RALYL: variants seen among roughly 807,000 people sequenced by gnomAD.
The protein encoded by RALYL is RALY RNA binding protein like.
In RALYL, 29 loss-of-function variants were observed where a neutral mutation model predicts 35.1. The ratio of observed to expected loss-of-function variants is 0.83; its 90% CI spans 0.61 to 1.13. RALYL has a LOEUF of 1.13. Among genes scored for constraint, RALYL ranks in the 50% most tolerant of loss-of-function variants. RALYL has a pLI of 0.00. For synonymous variants in RALYL, 120 were observed against 127.6 expected, an observed-to-expected ratio of 0.94 and a Z score of 0.40; for missense variants, 359 against 360.4, an observed-to-expected ratio of 1.00 and a Z score of 0.03.
chr8:84,430,300 G>A (rs16912818), intron 1 of RALYL, among the ~76,000 whole-genome samples: 2,543 of 152,088 alleles, frequency 0.017, 70 homozygotes, highest in African/African-American at 0.058. Context: ...TTCCTCTACC[G>A]TGCAGTAATT....
chr8:84,255,947 A>G (rs545009253), intron 1 of RALYL, among the ~76,000 whole-genome samples: 9 of 152,254 alleles, frequency 5.9e-5, no homozygotes, highest in East Asian at 1.9e-4. Flanking sequence ...CAAAATTATT[A>G]TGATTATGAG....
chr8:84,756,129 A>G (rs1811353482), intron 2 of RALYL, among the ~76,000 whole-genome samples: 1 of 152,066 alleles, frequency 6.6e-6, no homozygotes, highest in South Asian at 2.1e-4. Context: ...TATACCATGG[A>G]TTATATTACC....
chr8:84,835,213 C>T (rs1831705485), intron 4 of RALYL, among the ~76,000 whole-genome samples: 1 of 152,012 alleles, frequency 6.6e-6, no homozygotes, highest in African/African-American at 2.4e-5. Context: ...TAAATCTATA[C>T]AAATTAGCTA....
At position 84,850,005 on chromosome 8, in the gene RALYL, T is replaced by C; in HGVS notation, c.391T>C (p.Tyr131His). 6.7e-7 allele frequency: 1 copy of C among 1,490,646 alleles called. No homozygotes were observed. The highest frequency in any genetic ancestry group is 9.0e-7 in the Non-Finnish European group (1 of 1,116,520). The allele number at this position is 1,490,646 out of a possible 1,614,324, so 92.3% of individuals were successfully genotyped here. The change falls in exon 5 of 9, where the codon TAC (tyrosine) becomes CAC (histidine). Residue 131 changes from tyrosine (Y) to histidine (H), a missense_variant. Physicochemically the swap from Tyr to His is moderately conservative, Grantham distance 83 (BLOSUM62 2). Transcript: ENST00000521268. ...CGGTTATGTCTTTGACTATGATTAC[T>C]ACAGAGATGATTTCTACAATCGGTA... ...VGGYVFDYDY[Y>H]RDDFYNRLFD...
At chr8:84,297,100 T>C (rs1163309584) in intron 1 of RALYL, among the ~76,000 whole-genome samples, 1 of 151,932 alleles carries the variant, frequency 6.6e-6, no homozygotes, top group Non-Finnish European at 1.5e-5. Flanking sequence ...GCAGGTTATA[T>C]AGGTAAACTG....
intron 1 of RALYL, among the ~76,000 whole-genome samples, chr8:84,450,514 A>G (rs1291238314): frequency 6.6e-6 from 1 of 151,944 alleles, no homozygotes; most frequent in Non-Finnish European, 1.5e-5. Flanking sequence ...TATGCCTGCT[A>G]CTAGATAATT....
chr8:84,742,654 A>G (rs1589298707), intron 2 of RALYL, among the ~76,000 whole-genome samples: 1 of 152,178 alleles, frequency 6.6e-6, no homozygotes, highest in East Asian at 1.9e-4. Context: ...CTCACAGGTC[A>G]ATGATTTTAA....
At chr8:84,570,861 C>G (rs1226447347) in intron 2 of RALYL, among the ~76,000 whole-genome samples, 1 of 151,564 alleles carries the variant, frequency 6.6e-6, no homozygotes, top group Admixed American at 6.6e-5. Context: ...ATATTTAATT[C>G]TGTTTATGCC....
At chr8:84,865,240 G>A (rs1838957972) in intron 6 of RALYL, among the ~76,000 whole-genome samples, 1 of 152,044 alleles carries the variant, frequency 6.6e-6, no homozygotes, top group Non-Finnish European at 1.5e-5. Flanking sequence ...AAGTATCAGT[G>A]AAATTTAAAA....
intron 2 of RALYL, among the ~76,000 whole-genome samples, chr8:84,556,509 AT>A (rs1458171538): frequency 2.0e-5 from 3 of 152,200 alleles, no homozygotes; most frequent in African/African-American, 4.8e-5. Context: ...ACAAAAAAAA[AT>A]AAAATAAAAC....
At position 84,356,431 on chromosome 8, in the gene RALYL, C is replaced by T. The variant is rs969264302; in HGVS notation, c.-24+172007C>T. Among the ~76,000 whole-genome samples the T allele has an allele frequency of 3.3e-5, 5 of 150,516 alleles. No homozygotes were observed. The East Asian group carries it at 5.8e-4, about 17-fold the overall frequency. The stretch of plus-strand genomic sequence containing the variant: ...ATACACTGGTTCAGGCCCTTTTATT[C>T]CATGCCTATTGCCTCATTGCTACAT... On this transcript the variant is annotated intron_variant, in intron 1 of 8. Coordinates refer to ENST00000521268, the MANE Select transcript of RALYL (RefSeq NM_173848.7).
At chr8:84,482,005 A>T (rs1035463506) in intron 1 of RALYL, among the ~76,000 whole-genome samples, 7 of 152,166 alleles carry the variant, frequency 4.6e-5, no homozygotes, top group Admixed American at 4.6e-4. Flanking sequence ...ACTAAAAATT[A>T]AGAAAGGAAC....
chr8:84,650,953 C>T (rs1828665170), intron 2 of RALYL, among the ~76,000 whole-genome samples: 1 of 152,044 alleles, frequency 6.6e-6, no homozygotes, highest in Non-Finnish European at 1.5e-5. Context: ...TCATCATTCT[C>T]AGTAAACTAT....
intron 1 of RALYL, among the ~76,000 whole-genome samples, chr8:84,292,609 T>C (rs913310871): frequency 2.0e-5 from 3 of 152,104 alleles, no homozygotes; most frequent in African/African-American, 7.2e-5. Context: ...GTAAAGAAGC[T>C]GGCCAAAACC....
rs1302623161 is a variant in RALYL at position 84,428,100 on chromosome 8, TCTCTCTCA to T, written c.-23-101197_-23-101190del. The stretch of plus-strand genomic sequence containing the variant: ...CTGTCTCTCTCTCTCTCTCTCTCTC[TCTCTCTCA>T]CACACACACACACACACACACACAC... On this transcript the variant is annotated intron_variant, in intron 1 of 8. Coordinates refer to ENST00000521268, the MANE Select transcript of RALYL (RefSeq NM_173848.7). Among the ~76,000 whole-genome samples the T allele has an allele frequency of 7.1e-3, 954 of 134,796 alleles. 12 individuals are homozygous for T. The highest frequency in any genetic ancestry group is 0.026 in the African/African-American group (886 of 34,426). The allele number at this position is 134,796 out of a possible 152,430, so 88.4% of individuals were successfully genotyped here. A position where few individuals can be genotyped will look rare whatever the true frequency, so the allele number is the denominator to read the frequency against.
At chr8:84,651,997 CA>C (rs1444191478) in intron 2 of RALYL, among the ~76,000 whole-genome samples, 1 of 152,000 alleles carries the variant, frequency 6.6e-6, no homozygotes. Context: ...AGAATCCTCA[CA>C]TTTTTATTTG....
chr8:84,572,219 TG>T (rs1808178246), intron 2 of RALYL, among the ~76,000 whole-genome samples: 1 of 144,080 alleles, frequency 6.9e-6, no homozygotes, highest in Non-Finnish European at 1.6e-5. Flanking sequence ...TTTTTGTTTT[TG>T]TTGTTTGTTT....
At chr8:84,900,486 G>A (rs748929308) in intron 8 of RALYL, among the ~76,000 whole-genome samples, 1 of 152,088 alleles carries the variant, frequency 6.6e-6, no homozygotes, top group African/African-American at 2.4e-5. Flanking sequence ...AGACCAGCCT[G>A]ACCAACATGG....
intron 1 of RALYL, among the ~76,000 whole-genome samples, chr8:84,247,014 C>A (rs1370036709): frequency 6.6e-6 from 1 of 152,158 alleles, no homozygotes; most frequent in African/African-American, 2.4e-5. Flanking sequence ...TGCAGTCTGG[C>A]CTTCAGTGCA....
Sources: allele counts gnomAD v4.1 joint callset (sites outside exome capture counted in the v4.1 genomes callset), GRCh38; gene constraint gnomAD v4.1.1; transcripts MANE v1.5; gene names NCBI Gene and HGNC (gene_info 2026-07-23, HGNC 2026-07-21).